ALDH9A1: variants seen among roughly 807,000 people sequenced by gnomAD.
The protein encoded by ALDH9A1 is 4-trimethylaminobutyraldehyde dehydrogenase.
Under a neutral mutation model 56.6 loss-of-function variants are expected in ALDH9A1, and 42 were observed. The observed-to-expected ratio is 0.74, with a 90% CI of 0.58 to 0.96. The LOEUF is 0.96. ALDH9A1 is among the 40% of genes least tolerant of loss of function. ALDH9A1 has a pLI of 0.00. For synonymous variants in ALDH9A1, 242 were observed against 236.0 expected, an observed-to-expected ratio of 1.03 and a Z score of -0.23; for missense variants, 661 against 651.5, an observed-to-expected ratio of 1.01 and a Z score of -0.16.
chr1:165,696,696 G>T (rs1650097229), intron 1 of ALDH9A1, among the ~76,000 whole-genome samples: 1 of 151,960 alleles, frequency 6.6e-6, no homozygotes, highest in Admixed American at 6.6e-5. Flanking sequence ...CTACCAACAA[G>T]AATTCTTTAA....
At chr1:165,690,241 T>A (rs552131546) in intron 2 of ALDH9A1, among the ~76,000 whole-genome samples, 2 of 150,918 alleles carry the variant, frequency 1.3e-5, no homozygotes, top group Non-Finnish European at 2.9e-5. Flanking sequence ...TATACACATA[T>A]ACACACACAC....
At chr1:165,682,533 C>T (rs1430133604) in intron 3 of ALDH9A1, among the ~76,000 whole-genome samples, 2 of 152,116 alleles carry the variant, frequency 1.3e-5, no homozygotes, top group Non-Finnish European at 2.9e-5. Flanking sequence ...TTAGATGAAA[C>T]AAAATGGAAA....
intron 2 of ALDH9A1, among the ~76,000 whole-genome samples, chr1:165,691,004 A>C (rs1048016871): frequency 6.6e-6 from 1 of 152,200 alleles, no homozygotes; most frequent in Non-Finnish European, 1.5e-5. Flanking sequence ...AGCTTTGAAA[A>C]GAGTAGTGGT....
At chr1:165,697,304 C>T (rs1191006846) in intron 1 of ALDH9A1, among the ~76,000 whole-genome samples, 2 of 152,166 alleles carry the variant, frequency 1.3e-5, no homozygotes, top group African/African-American at 4.8e-5. Context: ...GCATCATATA[C>T]TTGAAATTTG....
chr1:165,677,479 A>C (rs1281371586), intron 6 of ALDH9A1, among the ~76,000 whole-genome samples: 1 of 152,228 alleles, frequency 6.6e-6, no homozygotes, highest in East Asian at 1.9e-4. Context: ...CCAGAAAGTA[A>C]TGAAGTATTC....
intron 2 of ALDH9A1, among the ~76,000 whole-genome samples, chr1:165,693,667 A>G (rs184476916): frequency 3.4e-3 from 521 of 152,330 alleles, no homozygotes; most frequent in Non-Finnish European, 5.7e-3. Context: ...CGATTCCTCA[A>G]ATATCTAGAA....
At chr1:165,678,803 ACAT>A (rs1365032742) in intron 6 of ALDH9A1, among the ~76,000 whole-genome samples, 48 of 152,352 alleles carry the variant, frequency 3.2e-4, no homozygotes, top group African/African-American at 1.2e-3. Flanking sequence ...CTAACAGAAA[ACAT>A]CAGACAGACC....
chr1:165,694,893 T>C (rs755003367), intron 2 of ALDH9A1, among the ~76,000 whole-genome samples: 2 of 150,984 alleles, frequency 1.3e-5, no homozygotes, highest in African/African-American at 2.4e-5. Context: ...GAGGCGAAGG[T>C]TGCAGTGAGC....
intron 4 of ALDH9A1, among the ~76,000 whole-genome samples, chr1:165,681,727 T>C (rs563994251): frequency 2.6e-5 from 4 of 152,350 alleles, no homozygotes; most frequent in African/African-American, 9.6e-5. Context: ...GGAGTTTATC[T>C]TCTGCTTCGT....
chr1:165,669,002 C>T lies in ALDH9A1; in HGVS notation c.1131G>A (p.Val377=), dbSNP rs929395822. The part of the protein sequence containing the change: ...VKVAKEQGAK[V]LCGGDIYVPE... ...GTACATATATATCTCCACCACATAACACTTTAGCACCCTGCCGAAAAGGAA... is the reference window on the plus strand; with the variant it reads ...GTACATATATATCTCCACCACATAATACTTTAGCACCCTGCCGAAAAGGAA... Residue 377 remains valine, a synonymous_variant, in exon 8 of 11, where the codon GTG becomes GTA. Coordinates refer to ENST00000354775, the MANE Select transcript of ALDH9A1 (RefSeq NM_000696.4). 3.1e-6 allele frequency: 5 copies of T among 1,599,290 alleles called. No individual in the cohort carries two copies. The highest frequency in any genetic ancestry group is 4.3e-6 in the Non-Finnish European group (5 of 1,175,272).
chr1:165,690,078 T>C lies in ALDH9A1; in HGVS notation c.327+5174A>G, dbSNP rs1268340226. On this transcript the variant is annotated intron_variant, in intron 2 of 10. Coordinates refer to ENST00000354775, the MANE Select transcript of ALDH9A1 (RefSeq NM_000696.4). Reference sequence around the variant, plus strand: ...AATATATATATGTATAAAATATACATATATTACACATAATTGTGTAATTTA... The same window carrying C: ...AATATATATATGTATAAAATATACACATATTACACATAATTGTGTAATTTA... Among the ~76,000 whole-genome samples, 2 of 25,462 alleles carry C rather than the reference T, an allele frequency of 7.9e-5. 1 individual carries two copies. Among genetic ancestry groups the C allele is most frequent in the Non-Finnish European group, 1.6e-4 (2 of 12,498 alleles). 16.7% of individuals were successfully genotyped at this position (25,462 alleles called of 152,430 possible).
Position 165,665,038 on chromosome 1 carries a change from A to C in ALDH9A1, c.1442T>G (p.Phe481Cys), listed in dbSNP as rs780439496. The C allele has an allele frequency of 6.2e-6, 10 of 1,613,938 alleles. No individual in the cohort carries two copies. The highest frequency in any genetic ancestry group is 8.5e-6 in the Non-Finnish European group (10 of 1,179,886). ...CTCACCTGACTTCTTATATCCACCAAAGGGCAACTCCACTGGGCTGACGTT... is the reference window on the plus strand; with the variant it reads ...CTCACCTGACTTCTTATATCCACCACAGGGCAACTCCACTGGGCTGACGTT... ...NYNVSPVELP[F>C]GGYKKSGFGR... Residue 481 changes from phenylalanine (F) to cysteine (C), a missense_variant, in exon 10 of 11, where the codon TTT becomes TGT. Phe to Cys is a radical substitution (Grantham distance 205). Transcript: ENST00000354775.
At chr1:165,667,779 A>AT (rs1404440534) in intron 8 of ALDH9A1, among the ~76,000 whole-genome samples, 3 of 152,214 alleles carry the variant, frequency 2.0e-5, no homozygotes, top group Admixed American at 6.5e-5. Flanking sequence ...ATTAAAGGTT[A>AT]TATACTGCAT....
chr1:165,693,541 C>T (rs1212536009), intron 2 of ALDH9A1, among the ~76,000 whole-genome samples: 1 of 152,126 alleles, frequency 6.6e-6, no homozygotes. Flanking sequence ...GTTAGAATGG[C>T]AATCATTAAA....
intron 6 of ALDH9A1, chr1:165,671,543 C>T: frequency 2.2e-6 from 1 of 452,062 alleles, no homozygotes; most frequent in Non-Finnish European, 4.3e-6. Context: ...AGATCTCTAC[C>T]ATTTAATTAA....
At chr1:165,666,905 A>T (rs1472081897) in intron 9 of ALDH9A1, among the ~76,000 whole-genome samples, 1 of 152,236 alleles carries the variant, frequency 6.6e-6, no homozygotes, top group Admixed American at 6.5e-5. Context: ...CACAGAAAAA[A>T]TGGCTACATG....
rs765592317 is a variant in ALDH9A1 at position 165,669,390 on chromosome 1, C to T, written c.991G>A (p.Glu331Lys). The T allele has an allele frequency of 3.7e-6, 6 of 1,613,886 alleles. No individual in the cohort carries two copies. In the South Asian group the frequency reaches 5.5e-5, roughly 15 times the overall value. The change falls in exon 7 of 11, where the codon GAA (glutamate) becomes AAA (lysine). Residue 331 changes from glutamate to lysine, a missense_variant. Physicochemically the swap from Glu to Lys is moderately conservative, Grantham distance 56. Transcript: ENST00000354775. ...QKEILDKFTE[E>K]VVKQTQRIKI... ...ATCCTTTGGGTCTGTTTCACCACTT[C>T]CTCTGTAAATTTATCAAGAATTTCT...
chr1:165,680,592 C>T lies in ALDH9A1; in HGVS notation c.684G>A (p.Gly228=), dbSNP rs770941005. The T allele has an allele frequency of 3.0e-5, 48 of 1,614,154 alleles. 1 individual carries two copies. The South Asian group carries it at 5.3e-4, about 18-fold the overall frequency. ...EIYSEAGVPP[G]LFNVVQGGAA... ...CCCCTCCCTGCACCACATTGAAGAGCCCAGGAGGTACACCAGCCTCACTGT... is the reference window on the plus strand; with the variant it reads ...CCCCTCCCTGCACCACATTGAAGAGTCCAGGAGGTACACCAGCCTCACTGT... The change falls in exon 5 of 11, where the codon GGG becomes GGA. Residue 228 remains glycine (G), a synonymous_variant. Coordinates refer to ENST00000354775, the MANE Select transcript of ALDH9A1 (RefSeq NM_000696.4).
chr1:165,697,411 A>G (rs1650125257), intron 1 of ALDH9A1, among the ~76,000 whole-genome samples: 1 of 152,274 alleles, frequency 6.6e-6, no homozygotes, highest in African/African-American at 2.4e-5. Flanking sequence ...ACCATTTTGC[A>G]AGGTATACAT....
Sources: allele counts gnomAD v4.1 joint callset (sites outside exome capture counted in the v4.1 genomes callset), GRCh38; gene constraint gnomAD v4.1.1; transcripts MANE v1.5; gene names NCBI Gene and HGNC (gene_info 2026-07-23, HGNC 2026-07-21).